The following CCDC73 variants were observed in gnomAD, a reference collection of about 807,000 sequenced individuals.
CCDC73 encodes the protein coiled-coil domain containing 73, also known as coiled-coil domain-containing protein 73.
In CCDC73, 95 loss-of-function variants were observed where a neutral mutation model predicts 116.5. That is an observed-to-expected ratio of 0.82 (90% CI 0.69 to 0.97). The LOEUF is 0.97. CCDC73 is among the 50% of genes least tolerant of loss of function. The probability of loss-of-function intolerance (pLI) is 0.00; values close to 1 mark genes in which losing one functional copy is unlikely to be tolerated. For missense variants in CCDC73, 1,066 were observed against 1,206.8 expected, an observed-to-expected ratio of 0.88 and a Z score of 1.73; for synonymous variants, 398 against 401.3, an observed-to-expected ratio of 0.99 and a Z score of 0.10.
At chr11:32,751,886 A>G (rs559677790) in intron 2 of CCDC73, among the ~76,000 whole-genome samples, 87 of 152,286 alleles carry the variant, frequency 5.7e-4, no homozygotes, top group Admixed American at 3.3e-3. Context: ...ATTTAAAACA[A>G]TATTTTATTA....
At position 32,683,561 on chromosome 11, in the gene CCDC73, G is replaced by C; in HGVS notation, c.404C>G (p.Ser135Cys). 6.6e-7 allele frequency: 1 copy of C among 1,513,190 alleles called. No homozygotes were observed. Among genetic ancestry groups the C allele is most frequent in the Non-Finnish European group, 9.1e-7 (1 of 1,094,696 alleles). 93.7% of individuals were successfully genotyped at this position (1,513,190 alleles called of 1,614,324 possible). ...CATTTCACTCACTTTCTTCTGTAAA[G>C]AGTATTTAGAAACCTTGAAAAATAA... ...TLKALQVSKY[S>C]LQKKVSEMEQ... The change falls in exon 7 of 18, where the codon TCT (serine) becomes TGT (cysteine). Residue 135 changes from serine to cysteine, a missense_variant. Ser to Cys is a moderately radical substitution (Grantham distance 112, BLOSUM62 -1). Coordinates refer to ENST00000335185, the MANE Select transcript of CCDC73 (RefSeq NM_001008391.4).
intron 6 of CCDC73, among the ~76,000 whole-genome samples, chr11:32,697,747 T>C (rs1849766632): frequency 6.6e-6 from 1 of 152,026 alleles, no homozygotes; most frequent in African/African-American, 2.4e-5. Flanking sequence ...TCTATCTTTA[T>C]TATTTTAATC....
chr11:32,738,073 T>G (rs546139431), intron 2 of CCDC73, among the ~76,000 whole-genome samples: 4 of 152,350 alleles, frequency 2.6e-5, no homozygotes, highest in Non-Finnish European at 5.9e-5. Context: ...ACTGTGTATA[T>G]GTACCACATT....
At chr11:32,821,082 A>G in the CCDC73 span, among the ~76,000 whole-genome samples, 1 of 152,280 alleles carries the variant, frequency 6.6e-6, no homozygotes, top group South Asian at 2.1e-4. Flanking sequence ...ATCAATCTTT[A>G]CATTTATAAT....
chr11:32,709,977 T>C (rs1316937643), intron 3 of CCDC73, among the ~76,000 whole-genome samples: 2 of 152,226 alleles, frequency 1.3e-5, no homozygotes, highest in Non-Finnish European at 2.9e-5. Context: ...CTAAGTTTTC[T>C]AGTTTATGCA....
intron 9 of CCDC73, among the ~76,000 whole-genome samples, chr11:32,658,229 A>G (rs1855892182): frequency 6.6e-6 from 1 of 152,040 alleles, no homozygotes; most frequent in South Asian, 2.1e-4. Context: ...TCTGTCTACA[A>G]CTACGTAAAT....
At chr11:32,758,649 A>G in intron 2 of CCDC73, 1 of 301,220 alleles carries the variant, frequency 3.3e-6, no homozygotes, top group South Asian at 3.0e-5. Context: ...AATAAAAGAA[A>G]AAAAAAACGC....
At position 32,611,222 on chromosome 11, in the gene CCDC73, C is replaced by A. The variant is rs1482862687; in HGVS notation, c.2940G>T (p.Trp980Cys). 5 of 1,613,168 alleles carry A rather than the reference C, an allele frequency of 3.1e-6. No homozygotes were observed. The highest frequency in any genetic ancestry group is 3.4e-6 in the Non-Finnish European group (4 of 1,179,386). ...CTCCCTTGGGATCTGGATGGATACT[C>A]CAGTTATTCAAAGTGTCAGCAACTC... ...INRVADTLNN[W>C]SIHPDPKGEP... is the part of the protein sequence containing the mutation. Residue 980 changes from tryptophan to cysteine, a missense_variant, in exon 17 of 18, where the codon TGG (tryptophan) becomes TGT (cysteine). Trp to Cys is a radical substitution (Grantham distance 215). Coordinates refer to ENST00000335185, the MANE Select transcript of CCDC73 (RefSeq NM_001008391.4).
chr11:32,653,001 C>T (rs1201622618), intron 12 of CCDC73, 122 bp downstream of exon 12: 1 of 550,222 alleles, frequency 1.8e-6, no homozygotes, highest in Non-Finnish European at 3.2e-6. Flanking sequence ...AATATCTTAC[C>T]CCTAGAATTC....
chr11:32,726,045 T>C (rs1850027754), intron 2 of CCDC73, among the ~76,000 whole-genome samples: 1 of 152,158 alleles, frequency 6.6e-6, no homozygotes, highest in Admixed American at 6.5e-5. Flanking sequence ...CTCTGACTAG[T>C]AACATAATCT....
intron 7 of CCDC73, chr11:32,682,884 A>T (rs2133294929): frequency 6.5e-6 from 1 of 153,100 alleles, no homozygotes; most frequent in South Asian, 2.0e-4. Context: ...TCCCAAGTGT[A>T]CACTGATAAG....
the CCDC73 span, among the ~76,000 whole-genome samples, chr11:32,829,595 T>C: frequency 6.6e-6 from 1 of 152,252 alleles, no homozygotes; most frequent in Non-Finnish European, 1.5e-5. Context: ...ACAGGACTCC[T>C]GGCCCAGTGG....
At chr11:32,809,030 TA>T in the CCDC73 span, among the ~76,000 whole-genome samples, 2 of 152,200 alleles carry the variant, frequency 1.3e-5, no homozygotes, top group African/African-American at 2.4e-5. Context: ...TTAGGCCCAG[TA>T]AAAAATATGT....
chr11:32,748,642 A>G (rs1255951655), intron 2 of CCDC73, among the ~76,000 whole-genome samples: 1 of 152,212 alleles, frequency 6.6e-6, no homozygotes, highest in East Asian at 1.9e-4. Context: ...ACCTACTATT[A>G]CCAGTGAGTT....
chr11:32,730,160 T>A (rs1216690686), intron 2 of CCDC73, among the ~76,000 whole-genome samples: 1 of 152,228 alleles, frequency 6.6e-6, no homozygotes, highest in Non-Finnish European at 1.5e-5. Context: ...TTTTACAGGT[T>A]TGACAGAAGA....
chr11:32,722,051 T>C (rs1272194225), intron 2 of CCDC73, among the ~76,000 whole-genome samples: 2 of 152,176 alleles, frequency 1.3e-5, no homozygotes, highest in African/African-American at 2.4e-5. Flanking sequence ...CACAATGGCT[T>C]ATGGGAGTTA....
chr11:32,617,249 A>C (rs1410575692), intron 14 of CCDC73, among the ~76,000 whole-genome samples: 1 of 152,216 alleles, frequency 6.6e-6, no homozygotes, highest in Non-Finnish European at 1.5e-5. Context: ...CAAGGAATGA[A>C]TAATGTGATC....
At chr11:32,765,532 GA>G (rs1850433177) in intron 1 of CCDC73, among the ~76,000 whole-genome samples, 1 of 152,192 alleles carries the variant, frequency 6.6e-6, no homozygotes, top group Admixed American at 6.5e-5. Context: ...ATAACAAAAT[GA>G]AGGCAGAAAT....
intron 14 of CCDC73, among the ~76,000 whole-genome samples, chr11:32,633,723 A>G (rs1855652793): frequency 6.6e-6 from 1 of 152,136 alleles, no homozygotes; most frequent in South Asian, 2.1e-4. Context: ...CAGCACCCAA[A>G]GTTTTTTGGG....
Sources: gnomAD v4.1 joint callset for allele counts (sites outside exome capture counted in the v4.1 genomes callset) on GRCh38, gnomAD v4.1.1 for gene constraint, MANE v1.5 for transcripts, NCBI Gene and HGNC (gene_info 2026-07-23, HGNC 2026-07-21) for gene names.